NELL1: variants seen among roughly 807,000 people sequenced by gnomAD.
The protein encoded by NELL1 is neural EGFL like 1.
A neutral mutation model predicts 107.4 loss-of-function variants in NELL1; 76 were observed. The ratio of observed to expected loss-of-function variants is 0.71; its 90% CI spans 0.59 to 0.86. The LOEUF (loss-of-function observed/expected upper bound fraction) is 0.86, where lower values mean the gene tolerates loss of function less well. NELL1 is among the 40% of genes least tolerant of loss of function. The pLI is 0.00. For missense variants in NELL1, 1,024 were observed against 1,005.5 expected (o/e 1.02, Z -0.25); for synonymous variants, 353 against 341.2 (o/e 1.03, Z -0.38).
chr11:21,073,984 G>A (rs1854076528), intron 12 of NELL1, among the ~76,000 whole-genome samples: 1 of 152,120 alleles, frequency 6.6e-6, no homozygotes, highest in Admixed American at 6.6e-5. Context: ...TCCAATAGGT[G>A]TTGAATGTCA....
rs12293575 is a variant in NELL1 at position 20,825,199 on chromosome 11, G to A, written c.336-22384G>A. Among the ~76,000 whole-genome samples, 1,009 of 151,396 alleles carry A rather than the reference G, an allele frequency of 6.7e-3. 17 individuals are homozygous for A. The highest frequency in any genetic ancestry group is 0.023 in the African/African-American group (951 of 41,466). On this transcript the variant is annotated intron_variant, in intron 3 of 19. Coordinates refer to ENST00000357134, the MANE Select transcript of NELL1 (RefSeq NM_006157.5). Reference sequence around the variant, plus strand: ...CTTATCCAAGCACAGTTTGCTGTACGGACAAAACTCTCATAGAGAACCTCT... The same window carrying A: ...CTTATCCAAGCACAGTTTGCTGTACAGACAAAACTCTCATAGAGAACCTCT...
At chr11:20,690,475 G>T (rs1854433836) in intron 2 of NELL1, among the ~76,000 whole-genome samples, 1 of 151,548 alleles carries the variant, frequency 6.6e-6, no homozygotes, top group Admixed American at 6.6e-5. Flanking sequence ...TGTAAGGAAG[G>T]GATCCAGTTT....
intron 15 of NELL1, among the ~76,000 whole-genome samples, chr11:21,419,412 A>C (rs1852603791): frequency 6.6e-6 from 1 of 152,156 alleles, no homozygotes; most frequent in African/African-American, 2.4e-5. Context: ...GCTAGCCTGC[A>C]CATTAGGAAA....
intron 15 of NELL1, among the ~76,000 whole-genome samples, chr11:21,422,527 A>G (rs1428776571): frequency 1.3e-5 from 2 of 152,130 alleles, no homozygotes; most frequent in Admixed American, 1.3e-4. Context: ...TATTAACACA[A>G]TGCACAAAGA....
intron 4 of NELL1, among the ~76,000 whole-genome samples, chr11:20,872,899 C>T (rs1251571910): frequency 6.6e-6 from 1 of 152,094 alleles, no homozygotes; most frequent in Non-Finnish European, 1.5e-5. Context: ...CACACATGCT[C>T]ACTGAATGAC....
chr11:20,989,764 G>A (rs1433963777), intron 12 of NELL1, among the ~76,000 whole-genome samples: 1 of 152,094 alleles, frequency 6.6e-6, no homozygotes, highest in African/African-American at 2.4e-5. Context: ...AGGCCGAGGT[G>A]GGTGGAACAC....
At chr11:20,978,357 C>T (rs571470927) in intron 12 of NELL1, among the ~76,000 whole-genome samples, 32 of 152,146 alleles carry the variant, frequency 2.1e-4, no homozygotes, top group South Asian at 1.9e-3. Context: ...AGAGAATTAA[C>T]GATTTACCCA....
At chr11:21,475,945 G>C (rs557495805) in intron 15 of NELL1, among the ~76,000 whole-genome samples, 1 of 152,010 alleles carries the variant, frequency 6.6e-6, no homozygotes, top group Non-Finnish European at 1.5e-5. Flanking sequence ...TACTTTCTTA[G>C]TACTTCTATT....
At chr11:21,003,312 G>A (rs1852263347) in intron 12 of NELL1, among the ~76,000 whole-genome samples, 1 of 152,024 alleles carries the variant, frequency 6.6e-6, no homozygotes, top group African/African-American at 2.4e-5. Flanking sequence ...GACAGAGTGG[G>A]GAAATAATTG....
intron 5 of NELL1, among the ~76,000 whole-genome samples, chr11:20,893,214 C>T (rs9704625): frequency 0.22 from 33,492 of 151,256 alleles, 4,378 homozygotes; most frequent in African/African-American, 0.33. Flanking sequence ...ACATTAAGAA[C>T]ACATGGATAC....
At chr11:21,473,530 A>G (rs1368844526) in intron 15 of NELL1, among the ~76,000 whole-genome samples, 1 of 152,068 alleles carries the variant, frequency 6.6e-6, no homozygotes, top group Non-Finnish European at 1.5e-5. Context: ...TTCTACACAG[A>G]CAATTTCAAT....
At chr11:20,846,362 C>A (rs753142693) in intron 3 of NELL1, among the ~76,000 whole-genome samples, 12 of 152,132 alleles carry the variant, frequency 7.9e-5, no homozygotes, top group Non-Finnish European at 1.3e-4. Context: ...CATTTCATTC[C>A]TCATAGAAGA....
intron 15 of NELL1, among the ~76,000 whole-genome samples, chr11:21,440,579 C>T (rs1000742300): frequency 9.2e-5 from 14 of 152,038 alleles, no homozygotes; most frequent in South Asian, 4.1e-4. Context: ...TCAGTTTAGC[C>T]AAGGCATTAA....
At chr11:20,835,035 A>C (rs1207667152) in intron 3 of NELL1, among the ~76,000 whole-genome samples, 2 of 152,128 alleles carry the variant, frequency 1.3e-5, no homozygotes, top group African/African-American at 4.8e-5. Flanking sequence ...AGTGCTGTTC[A>C]TACCTCTTCT....
chr11:20,928,103 T>C (rs1232485540), intron 8 of NELL1, among the ~76,000 whole-genome samples: 5 of 152,220 alleles, frequency 3.3e-5, no homozygotes, highest in African/African-American at 1.2e-4. Context: ...TTTATGTTCT[T>C]ATAAAAATAG....
chr11:20,809,531 T>TC (rs11433878), intron 3 of NELL1, among the ~76,000 whole-genome samples: 147,973 of 152,196 alleles, frequency 0.97, 72,080 homozygotes, highest in East Asian at 1. Flanking sequence ...TCTCCTTGCT[T>TC]CTCCTTTTCC....
At chr11:21,274,395 A>G (rs2133938698) in intron 14 of NELL1, among the ~76,000 whole-genome samples, 1 of 152,354 alleles carries the variant, frequency 6.6e-6, no homozygotes, top group African/African-American at 2.4e-5. Flanking sequence ...CCAGATTCAC[A>G]AAGCAAGTCC....
At chr11:20,765,256 G>A (rs909410824) in intron 2 of NELL1, among the ~76,000 whole-genome samples, 5 of 152,166 alleles carry the variant, frequency 3.3e-5, no homozygotes, top group East Asian at 1.9e-4. Context: ...TAGGGACAAC[G>A]TACAGATAGC....
chr11:21,245,819 T>TC (rs1314933245), intron 14 of NELL1, among the ~76,000 whole-genome samples: 2 of 152,196 alleles, frequency 1.3e-5, no homozygotes, highest in African/African-American at 2.4e-5. Flanking sequence ...AATACCTTTC[T>TC]CTTAGACTTA....
Sources: allele counts gnomAD v4.1 joint callset (sites outside exome capture counted in the v4.1 genomes callset), GRCh38; gene constraint gnomAD v4.1.1; transcripts MANE v1.5; gene names NCBI Gene and HGNC (gene_info 2026-07-23, HGNC 2026-07-21).